The following SPTLC1 variants were observed in gnomAD, a reference collection of about 807,000 sequenced individuals.
SPTLC1 encodes the protein serine palmitoyltransferase 1.
A neutral mutation model predicts 68.9 loss-of-function variants in SPTLC1; 55 were observed. That is an observed-to-expected ratio of 0.80 (90% CI 0.64 to 1.00). The LOEUF (loss-of-function observed/expected upper bound fraction) is 1.00, where lower values mean the gene tolerates loss of function less well. Ranked by LOEUF, SPTLC1 falls within the 50% of genes least tolerant of loss-of-function variation. The pLI is 0.00. For missense variants in SPTLC1, 449 were observed against 573.1 expected, an observed-to-expected ratio of 0.78 and a Z score of 2.21; for synonymous variants, 197 against 201.6, an observed-to-expected ratio of 0.98 and a Z score of 0.19.
At chr9:92,106,143 G>A (rs1240374945) in intron 3 of SPTLC1, among the ~76,000 whole-genome samples, 3 of 152,170 alleles carry the variant, frequency 2.0e-5, no homozygotes, top group South Asian at 4.1e-4. Flanking sequence ...GGGAAGTGAG[G>A]AGCGTCTCTG....
chr9:92,084,878 T>G (rs1310169332), intron 3 of SPTLC1, among the ~76,000 whole-genome samples: 1 of 152,170 alleles, frequency 6.6e-6, no homozygotes, highest in Non-Finnish European at 1.5e-5. Flanking sequence ...TCCTGGACTC[T>G]TTTTGGTTGG....
At chr9:92,074,913 T>C (rs1834626759) in intron 5 of SPTLC1, among the ~76,000 whole-genome samples, 1 of 152,086 alleles carries the variant, frequency 6.6e-6, no homozygotes, top group African/African-American at 2.4e-5. Flanking sequence ...CAGCCCCTTT[T>C]TGCCTTTACT....
At chr9:92,087,683 A>G (rs963416017) in intron 3 of SPTLC1, among the ~76,000 whole-genome samples, 5 of 151,584 alleles carry the variant, frequency 3.3e-5, no homozygotes. Flanking sequence ...TAGGCTGCTC[A>G]GGGGTCAGGG....
chr9:92,052,765 C>T (rs1833751945), intron 8 of SPTLC1, among the ~76,000 whole-genome samples: 3 of 152,046 alleles, frequency 2.0e-5, no homozygotes, highest in African/African-American at 7.2e-5. Flanking sequence ...CTCCTGACCT[C>T]AAATGATTCA....
At chr9:92,076,256 C>A (rs1305731408) in intron 5 of SPTLC1, among the ~76,000 whole-genome samples, 3 of 152,162 alleles carry the variant, frequency 2.0e-5, no homozygotes, top group Non-Finnish European at 2.9e-5. Context: ...ATAAAGCCCT[C>A]CTTAAAGCTG....
At chr9:92,082,294 G>A (rs146205637) in intron 3 of SPTLC1, among the ~76,000 whole-genome samples, 7 of 151,798 alleles carry the variant, frequency 4.6e-5, no homozygotes, top group Non-Finnish European at 5.9e-5. Flanking sequence ...CAATGTGCAG[G>A]TTAGTTACAT....
chr9:92,080,307 G>C (rs1054444702), intron 4 of SPTLC1, among the ~76,000 whole-genome samples: 2 of 152,076 alleles, frequency 1.3e-5, no homozygotes, highest in African/African-American at 4.8e-5. Flanking sequence ...GCATTTGTGG[G>C]CCAAGTCTTT....
rs151283029 is a variant in SPTLC1, at chr9:92,080,963, G to A, written c.261C>T (p.Gly87=). The A allele has an allele frequency of 2.3e-4, 377 of 1,612,362 alleles. 1 individual carries two copies. In the African/African-American group the frequency reaches 4.6e-3, roughly 20 times the overall value. ...HPALNYNIVS[G]PPSHKTVVNG... ...TCACCACAGTTTTGTGGCTTGGAGG[G>A]CTAGGGAAGAGATAGAGTGGTACAT... Residue 87 remains glycine, a splice_region_variant and synonymous_variant, in exon 4 of 15, where the codon GGC becomes GGT. Transcript: ENST00000262554.
Position 92,080,951 on chromosome 9 carries a change from G to A in SPTLC1, c.273C>T (p.His91=), listed in dbSNP as rs1408135065. 1.9e-6 allele frequency: 3 copies of A among 1,613,860 alleles called. No individual in the cohort carries two copies. Among genetic ancestry groups the A allele is most frequent in the Non-Finnish European group, 2.5e-6 (3 of 1,179,894 alleles). ...NYNIVSGPPS[H]KTVVNGKECI... ...ATTCTTTTCCATTCACCACAGTTTT[G>A]TGGCTTGGAGGGCTAGGGAAGAGAT... is the stretch of plus-strand genomic sequence containing the variant. The change falls in exon 4 of 15, where the codon CAC becomes CAT. Residue 91 remains histidine, a synonymous_variant. Transcript: ENST00000262554.
intron 8 of SPTLC1, among the ~76,000 whole-genome samples, chr9:92,052,328 A>C (rs1833726969): frequency 6.6e-6 from 1 of 152,204 alleles, no homozygotes; most frequent in African/African-American, 2.4e-5. Flanking sequence ...AAGACCAGTC[A>C]ATGGGGAAAC....
intron 13 of SPTLC1, among the ~76,000 whole-genome samples, chr9:92,037,225 C>T (rs934528964): frequency 6.6e-6 from 1 of 152,104 alleles, no homozygotes; most frequent in African/African-American, 2.4e-5. Flanking sequence ...GCTGTCTAGG[C>T]GGATGAGGCT....
chr9:92,113,792 G>C (rs542995026), intron 1 of SPTLC1, among the ~76,000 whole-genome samples: 42 of 152,302 alleles, frequency 2.8e-4, no homozygotes, highest in African/African-American at 9.1e-4. Context: ...CCTACCAGTA[G>C]ACGGTGATAT....
intron 12 of SPTLC1, among the ~76,000 whole-genome samples, chr9:92,040,724 C>T (rs1296097818): frequency 2.0e-5 from 3 of 150,792 alleles, no homozygotes. Flanking sequence ...CGCCACTGTG[C>T]TCCAGCCTGA....
chr9:92,042,119 AAACAAAACTAGGAATAATTC>A (rs1427027978), intron 12 of SPTLC1, among the ~76,000 whole-genome samples: 1 of 152,128 alleles, frequency 6.6e-6, no homozygotes, highest in Non-Finnish European at 1.5e-5. Context: ...CCACAAAACA[AAACAAAACTAGGAATAATTC>A]AATAAAAGCT....
chr9:92,081,542 G>A (rs1234393306), intron 3 of SPTLC1, among the ~76,000 whole-genome samples: 2 of 152,222 alleles, frequency 1.3e-5, no homozygotes, highest in Non-Finnish European at 2.9e-5. Flanking sequence ...AGCCGGATAT[G>A]AGCCCGGCTG....
intron 14 of SPTLC1, among the ~76,000 whole-genome samples, chr9:92,034,393 G>A (rs1833071065): frequency 6.6e-6 from 1 of 152,210 alleles, no homozygotes. Flanking sequence ...TTTCTCAAAT[G>A]TTACTGAGTG....
intron 9 of SPTLC1, among the ~76,000 whole-genome samples, chr9:92,048,405 G>A (rs776720436): frequency 1.7e-4 from 26 of 152,156 alleles, no homozygotes; most frequent in Non-Finnish European, 3.5e-4. Flanking sequence ...CACAGCTAGT[G>A]TTTTCCTTAG....
chr9:92,075,561 ACCAGTAG>A (rs1324303095), intron 5 of SPTLC1, among the ~76,000 whole-genome samples: 1 of 152,186 alleles, frequency 6.6e-6, no homozygotes, highest in East Asian at 1.9e-4. Flanking sequence ...CAGGCCTGTG[ACCAGTAG>A]CCTTTGTATT....
chr9:92,065,189 A>T (rs1834238806), intron 6 of SPTLC1, among the ~76,000 whole-genome samples: 1 of 152,240 alleles, frequency 6.6e-6, no homozygotes, highest in South Asian at 2.1e-4. Flanking sequence ...AGATCTGTGA[A>T]GCAGCATGAA....
Sources: gnomAD v4.1 joint callset for allele counts (sites outside exome capture counted in the v4.1 genomes callset) on GRCh38, gnomAD v4.1.1 for gene constraint, MANE v1.5 for transcripts, NCBI Gene and HGNC (gene_info 2026-07-23, HGNC 2026-07-21) for gene names.